Variants in POMGNT2 observed in about 807,000 individuals in gnomAD.
POMGNT2 encodes protein O-linked-mannose beta-1,4-N-acetylglucosaminyltransferase 2.
Under a neutral mutation model 37.8 loss-of-function variants are expected in POMGNT2, and 32 were observed. The observed-to-expected ratio is 0.85, with a 90% CI of 0.64 to 1.14. POMGNT2 has a LOEUF of 1.14. Among genes scored for constraint, POMGNT2 ranks in the 50% most tolerant of loss-of-function variants. The pLI, the probability that POMGNT2 is intolerant of heterozygous loss-of-function variation, is 0.00. For missense variants in POMGNT2, 705 were observed against 780.6 expected (o/e 0.90, Z 1.15); for synonymous variants, 340 against 336.8 (o/e 1.01, Z -0.10).
intron 1 of POMGNT2, among the ~76,000 whole-genome samples, chr3:43,100,303 T>C (rs959068053): frequency 3.3e-5 from 5 of 152,190 alleles, no homozygotes; most frequent in Admixed American, 6.5e-5. Context: ...ATAACAACTA[T>C]TTACATAGCA....
At chr3:43,085,422 G>GA (rs2089889795) in intron 1 of POMGNT2, among the ~76,000 whole-genome samples, 1 of 152,026 alleles carries the variant, frequency 6.6e-6, no homozygotes, top group African/African-American at 2.4e-5. Flanking sequence ...GGTTGGGGGG[G>GA]GTTCTTTCCT....
At position 43,081,258 on chromosome 3, in the gene POMGNT2, C is replaced by G. The variant is rs2089852658; in HGVS notation, c.174G>C (p.Gln58His). ...ALRIDYPKAL[Q>H]ILMEGGTHMV... Reference sequence around the variant, plus strand: ...TGTGTGTGCCGCCCTCCATCAGGATCTGCAGTGCCTTCGGGTAGTCGATCC... The same window carrying G: ...TGTGTGTGCCGCCCTCCATCAGGATGTGCAGTGCCTTCGGGTAGTCGATCC... Residue 58 changes from glutamine to histidine, a missense_variant, in exon 2 of 2, where the codon CAG becomes CAC. Transcript: ENST00000344697. 1.2e-6 allele frequency: 2 copies of G among 1,613,772 alleles called. No homozygotes were observed. Among genetic ancestry groups the G allele is most frequent in the Non-Finnish European group, 1.7e-6 (2 of 1,180,018 alleles).
Position 43,079,727 on chromosome 3 carries a change from G to A in POMGNT2, c.1705C>T (p.Leu569=). 4 of 1,614,098 alleles carry A rather than the reference G, an allele frequency of 2.5e-6. No individual in the cohort carries two copies. Among genetic ancestry groups the A allele is most frequent in the South Asian group, 1.1e-5 (1 of 91,080 alleles). The part of the protein sequence containing the change: ...WVRCIFNKIL[L]GPFADVLVCN... ...ACCAGCACATCTGCAAAGGGTCCCA[G>A]GAGGATCTTGTTGAAGATGCAGCGG... Residue 569 remains leucine, a synonymous_variant, in exon 2 of 2, where the codon CTG becomes TTG. Transcript: ENST00000344697.
chr3:43,095,624 T>A (rs537033407), intron 1 of POMGNT2, among the ~76,000 whole-genome samples: 4 of 152,266 alleles, frequency 2.6e-5, no homozygotes, highest in African/African-American at 9.6e-5. Flanking sequence ...CTATGAAGTA[T>A]CATTATTCCC....
Position 43,080,052 on chromosome 3 carries a change from G to T in POMGNT2, c.1380C>A (p.Thr460=), listed in dbSNP as rs375414490. ...GCCGGCCCTTCACCACGCGCCGTAT[G>T]GTTTGAATGAGGGACGGGATGTCCA... is the stretch of plus-strand genomic sequence containing the variant. The part of the protein sequence containing the change: ...TKVDIPSLIQ[T]IRRVVKGRPG... The change falls in exon 2 of 2, where the codon ACC becomes ACA. Residue 460 remains threonine (T), a synonymous_variant. Coordinates refer to ENST00000344697, the MANE Select transcript of POMGNT2 (RefSeq NM_032806.6). The T allele has an allele frequency of 6.2e-7, 1 of 1,613,858 alleles. No individual in the cohort carries two copies. The highest frequency in any genetic ancestry group is 8.5e-7 in the Non-Finnish European group (1 of 1,180,002).
chr3:43,081,353 C>A lies in POMGNT2; in HGVS notation c.79G>T (p.Glu27Ter). Residue 27 changes from glutamate (E) to a stop codon, truncating the protein, a stop_gained, in exon 2 of 2, where the codon GAG (glutamate) becomes TAG (stop). Transcript: ENST00000344697. LOFTEE classifies it high-confidence loss of function. ...TCCTCCTCCAGTGTGGCTGCATGCT[C>A]ACGCAGCCGCACATGCTTCCACAGG... ...AVLWKHVRLR[E>*]HAATLEEELA... The A allele has an allele frequency of 6.2e-7, 1 of 1,609,056 alleles. No homozygotes were observed. Among genetic ancestry groups the A allele is most frequent in the Non-Finnish European group, 8.5e-7 (1 of 1,179,644 alleles).
intron 1 of POMGNT2, among the ~76,000 whole-genome samples, chr3:43,102,331 C>G (rs1314522729): frequency 6.6e-6 from 1 of 152,210 alleles, no homozygotes; most frequent in Non-Finnish European, 1.5e-5. Context: ...AAAGAAGGGG[C>G]CTTCTCTTAG....
chr3:43,079,724 C>T lies in POMGNT2; in HGVS notation c.1708G>A (p.Gly570Arg). Residue 570 changes from glycine (G) to arginine (R), a missense_variant, in exon 2 of 2, where the codon GGA becomes AGA. Coordinates refer to ENST00000344697, the MANE Select transcript of POMGNT2 (RefSeq NM_032806.6). ...VRCIFNKILL[G>R]PFADVLVCNT ...CACACCAGCACATCTGCAAAGGGTCCCAGGAGGATCTTGTTGAAGATGCAG... is the reference window on the plus strand; with the variant it reads ...CACACCAGCACATCTGCAAAGGGTCTCAGGAGGATCTTGTTGAAGATGCAG... 1 of 1,613,992 alleles carries T rather than the reference C, an allele frequency of 6.2e-7. No individual in the cohort carries two copies. The highest frequency in any genetic ancestry group is 1.1e-5 in the South Asian group (1 of 91,072).
At chr3:43,101,776 G>C (rs1293523647) in intron 1 of POMGNT2, among the ~76,000 whole-genome samples, 4 of 152,154 alleles carry the variant, frequency 2.6e-5, no homozygotes, top group African/African-American at 9.7e-5. Context: ...AATAAATTCT[G>C]TTCCTACCTT....
intron 1 of POMGNT2, among the ~76,000 whole-genome samples, chr3:43,103,331 G>A (rs964252090): frequency 4.6e-5 from 7 of 152,082 alleles, no homozygotes; most frequent in African/African-American, 1.7e-4. Context: ...GCAAAGATAA[G>A]GCTCAGAGAA....
rs573407080 is a variant in POMGNT2, at chr3:43,087,278, A to T, written c.-105-5742T>A. 3.7e-4 allele frequency among the ~76,000 whole-genome samples: 57 copies of T among 152,346 alleles called. 1 individual carries two copies. The South Asian group carries it at 0.011, about 29-fold the overall frequency. On this transcript the variant is annotated intron_variant, in intron 1 of 1. Coordinates refer to ENST00000344697, the MANE Select transcript of POMGNT2 (RefSeq NM_032806.6). ...GCAGCTCTAGAAAACTAATATAGGG[A>T]CCATAAGAATTCATTTGAAAAAGGG...
intron 1 of POMGNT2, among the ~76,000 whole-genome samples, chr3:43,102,328 G>T (rs556769171): frequency 1.3e-5 from 2 of 152,156 alleles, no homozygotes; most frequent in African/African-American, 4.8e-5. Flanking sequence ...AGCAAAGAAG[G>T]GGCCTTCTCT....
chr3:43,096,627 G>A (rs535207349), intron 1 of POMGNT2, among the ~76,000 whole-genome samples: 1 of 152,260 alleles, frequency 6.6e-6, no homozygotes, highest in South Asian at 2.1e-4. Context: ...ACACAGACCA[G>A]GGTACTTCAA....
chr3:43,083,614 T>G (rs1445775782), intron 1 of POMGNT2, among the ~76,000 whole-genome samples: 1 of 152,262 alleles, frequency 6.6e-6, no homozygotes. Flanking sequence ...TATCACAGTC[T>G]ACTGGTATTG....
chr3:43,105,271 G>A (rs1025462675), intron 1 of POMGNT2, among the ~76,000 whole-genome samples: 1 of 152,176 alleles, frequency 6.6e-6, no homozygotes. Flanking sequence ...AGGCTACTCT[G>A]GCACTGCCAA....
intron 1 of POMGNT2, among the ~76,000 whole-genome samples, chr3:43,103,909 A>G (rs2090037649): frequency 1.3e-5 from 2 of 152,156 alleles, no homozygotes. Flanking sequence ...GAATTCAAAG[A>G]GACAGCAAAG....
chr3:43,080,147 G>C lies in POMGNT2; in HGVS notation c.1285C>G (p.Arg429Gly). The change falls in exon 2 of 2, where the codon CGT becomes GGT. Residue 429 changes from arginine (R) to glycine (G), a missense_variant. By Grantham distance (125) the Arg-to-Gly change is moderately radical. Transcript: ENST00000344697. Reference protein sequence around the residue: ...RAEQARILQSREVPRHLCCRN... With the variant: ...RAEQARILQSGEVPRHLCCRN... ...CAACAGAGATGCCGTGGGACCTCACGGCTTTGCAGGATACGGGCTTGCTCA... is the reference window on the plus strand; with the variant it reads ...CAACAGAGATGCCGTGGGACCTCACCGCTTTGCAGGATACGGGCTTGCTCA... 2 of 1,613,964 alleles carry C rather than the reference G, an allele frequency of 1.2e-6. No homozygotes were observed. The highest frequency in any genetic ancestry group is 1.7e-6 in the Non-Finnish European group (2 of 1,179,968).
chr3:43,080,733 A>C lies in POMGNT2; in HGVS notation c.699T>G (p.Phe233Leu). Residue 233 changes from phenylalanine (F) to leucine (L), a missense_variant, in exon 2 of 2, where the codon TTT becomes TTG. Transcript: ENST00000344697. Reference protein sequence around the residue: ...LGRLLCFSHAFVGLSKITTWY... With the variant: ...LGRLLCFSHALVGLSKITTWY... ...AGGTAGTGATCTTGGAGAGGCCCAC[A>C]AAAGCATGGGAGAAGCACAGCAGCC... The C allele has an allele frequency of 6.2e-7, 1 of 1,614,134 alleles. No individual in the cohort carries two copies.
intron 1 of POMGNT2, among the ~76,000 whole-genome samples, chr3:43,084,345 A>G (rs1296028384): frequency 6.8e-6 from 1 of 146,902 alleles, no homozygotes; most frequent in African/African-American, 2.5e-5. Flanking sequence ...ATGCTAGATT[A>G]AAAAAAAAAA....
Sources: allele counts gnomAD v4.1 joint callset (sites outside exome capture counted in the v4.1 genomes callset), GRCh38; gene constraint gnomAD v4.1.1; transcripts MANE v1.5; gene names NCBI Gene and HGNC (gene_info 2026-07-23, HGNC 2026-07-21).